SNX8: variants seen among roughly 807,000 people sequenced by gnomAD.
SNX8 encodes the protein sorting nexin-8.
A neutral mutation model predicts 51.6 loss-of-function variants in SNX8; 25 were observed. The observed-to-expected ratio is 0.48, with a 90% CI of 0.35 to 0.68. The LOEUF (loss-of-function observed/expected upper bound fraction) is 0.68. Among genes scored for constraint, SNX8 ranks in the 30% least tolerant of loss-of-function variants. The pLI is 0.00. For synonymous variants in SNX8, 324 were observed against 277.0 expected (o/e 1.17, Z -1.68); for missense variants, 695 against 624.0 (o/e 1.11, Z -1.21).
At chr7:2,257,647 C>A in intron 8 of SNX8, 88 bp downstream of exon 8, 2 of 1,566,758 alleles carry the variant, frequency 1.3e-6, no homozygotes, top group East Asian at 4.5e-5. Flanking sequence ...CTCAGCTCCT[C>A]TTCCGTCCCC....
chr7:2,290,139 G>C (rs527947619), intron 1 of SNX8, among the ~76,000 whole-genome samples: 1 of 152,112 alleles, frequency 6.6e-6, no homozygotes, highest in South Asian at 2.1e-4. Flanking sequence ...GTTGCAGTGC[G>C]CGGAGATTAC....
Position 2,263,258 on chromosome 7 carries a change from G to T in SNX8, c.887C>A (p.Ala296Glu), listed in dbSNP as rs138849540. 6.2e-7 allele frequency: 1 copy of T among 1,613,926 alleles called. No homozygotes were observed. Among genetic ancestry groups the T allele is most frequent in the East Asian group, 2.2e-5 (1 of 44,886 alleles). ...QALKGLSVEF[A>E]LLADKAAQQG... is the part of the protein sequence containing the mutation. ...TTGTGCAGCCTTGTCGGCGAGCAGC[G>T]CGAATTCCACAGACAGGCCTTTCAG... The change falls in exon 7 of 11, where the codon GCG becomes GAG. Residue 296 changes from alanine (A) to glutamate (E), a missense_variant. Transcript: ENST00000222990.
chr7:2,347,524 A>C (rs1430956184), intron 1 of SNX8, among the ~76,000 whole-genome samples: 1 of 150,000 alleles, frequency 6.7e-6, no homozygotes, highest in Non-Finnish European at 1.5e-5. Flanking sequence ...CCTTTGGCTG[A>C]AGGCAGTAGG....
upstream of SNX8, chr7:2,314,450 CCCGCGCCACCCGGCCGCGCAGCCCTG>C (rs906880813): frequency 2.5e-6 from 3 of 1,202,842 alleles, no homozygotes; most frequent in Non-Finnish European, 3.1e-6. Context: ...GTGACTTCCT[CCCGCGCCACCCGGCCGCGCAGCCCTG>C]CCGCGCCGCG....
intron 1 of SNX8, among the ~76,000 whole-genome samples, chr7:2,302,009 G>A (rs958427061): frequency 3.3e-5 from 5 of 152,210 alleles, no homozygotes; most frequent in Non-Finnish European, 4.4e-5. Flanking sequence ...TTGGGAGGCC[G>A]AGGCAGGCAG....
At position 2,257,081 on chromosome 7, in the gene SNX8, G is replaced by A. The variant is rs901377705; in HGVS notation, c.1135-58C>T. On this transcript the variant is annotated intron_variant, in intron 9 of 10. Transcript: ENST00000222990. ...CCCAGCCGGCGACGGGAGCACCAAGGCCCGAACACCAGCGTGCTCCCTGAG... is the reference window on the plus strand; with the variant it reads ...CCCAGCCGGCGACGGGAGCACCAAGACCCGAACACCAGCGTGCTCCCTGAG... 5.5e-5 allele frequency: 84 copies of A among 1,526,952 alleles called. 1 individual carries two copies. In the Admixed American group the frequency reaches 1.6e-3, roughly 28 times the overall value. The allele number at this position is 1,526,952 out of a possible 1,614,324, so 94.6% of individuals were successfully genotyped here.
At chr7:2,255,484 C>T (rs1483197826) in intron 10 of SNX8, among the ~76,000 whole-genome samples, 1 of 152,254 alleles carries the variant, frequency 6.6e-6, no homozygotes. Flanking sequence ...AGTACATGCT[C>T]TAGCTGCCGT....
At chr7:2,340,191 T>C (rs1157570392) in intron 1 of SNX8, among the ~76,000 whole-genome samples, 1 of 151,944 alleles carries the variant, frequency 6.6e-6, no homozygotes, top group Non-Finnish European at 1.5e-5. Context: ...GCTTCCCAAG[T>C]AGCTGGGATT....
At chr7:2,269,486 C>G (rs1399857800) in intron 5 of SNX8, 73 bp downstream of exon 5, 3 of 843,368 alleles carry the variant, frequency 3.6e-6, no homozygotes, top group South Asian at 2.0e-5. Flanking sequence ...TCCCCCTCTG[C>G]GAGAAACACC....
At chr7:2,306,869 C>T (rs539908032) in intron 1 of SNX8, among the ~76,000 whole-genome samples, 1 of 152,254 alleles carries the variant, frequency 6.6e-6, no homozygotes, top group Admixed American at 6.5e-5. Context: ...CTGGTGGACA[C>T]CCGCACAAAT....
At chr7:2,260,104 C>A (rs1348577250) in intron 7 of SNX8, among the ~76,000 whole-genome samples, 1 of 150,990 alleles carries the variant, frequency 6.6e-6, no homozygotes, top group Admixed American at 6.6e-5. Context: ...ACAGATTTGG[C>A]TTTTTTTTTG....
At chr7:2,345,162 CTATTTA>C (rs1476985432) in intron 1 of SNX8, among the ~76,000 whole-genome samples, 1 of 152,034 alleles carries the variant, frequency 6.6e-6, no homozygotes, top group African/African-American at 2.4e-5. Context: ...CACTGTAATA[CTATTTA>C]TAACACTGAA....
chr7:2,339,039 G>A (rs1291073731), intron 1 of SNX8, among the ~76,000 whole-genome samples: 1 of 151,964 alleles, frequency 6.6e-6, no homozygotes, highest in Non-Finnish European at 1.5e-5. Context: ...AGCCTCCCCA[G>A]TAGCTAGAAC....
chr7:2,338,085 G>C (rs1189609371), intron 1 of SNX8, among the ~76,000 whole-genome samples: 1 of 152,154 alleles, frequency 6.6e-6, no homozygotes, highest in Non-Finnish European at 1.5e-5. Flanking sequence ...TAACACTTTG[G>C]GAAGCCAAGG....
At chr7:2,336,916 T>G (rs955528492) in intron 1 of SNX8, among the ~76,000 whole-genome samples, 6 of 134,436 alleles carry the variant, frequency 4.5e-5, no homozygotes, top group East Asian at 2.2e-4. Context: ...GCCTGAGGCA[T>G]GAGAATCGCT....
chr7:2,272,178 C>CCA (rs1308754702), intron 3 of SNX8, among the ~76,000 whole-genome samples: 1 of 152,184 alleles, frequency 6.6e-6, no homozygotes, highest in Non-Finnish European at 1.5e-5. Flanking sequence ...CCCCCTCCAG[C>CCA]CACACACACT....
chr7:2,319,156 C>T (rs905494916), upstream of SNX8, among the ~76,000 whole-genome samples: 2 of 148,232 alleles, frequency 1.3e-5, no homozygotes, highest in Non-Finnish European at 3.0e-5. Flanking sequence ...CTGGTCAACA[C>T]AGGGAAACTC....
rs193127022 is a variant in SNX8, at chr7:2,255,920, C to T, written c.1285-751G>A. ...CTCAGGTGGCCAGAGAAGGGCAGGG[C>T]GCACCCTGGGGGCCTGCAGGGGAGG... On this transcript the variant is annotated intron_variant, in intron 10 of 10. Transcript: ENST00000222990. Among the ~76,000 whole-genome samples, 40 of 152,320 alleles carry T rather than the reference C, an allele frequency of 2.6e-4. No homozygotes were observed. The East Asian group carries it at 7.1e-3, about 27-fold the overall frequency.
At chr7:2,348,574 C>T (rs1455359507) in intron 1 of SNX8, among the ~76,000 whole-genome samples, 3 of 151,638 alleles carry the variant, frequency 2.0e-5, no homozygotes, top group African/African-American at 7.3e-5. Context: ...ATCTCCTGAC[C>T]TTGTGATCCA....
Sources: allele counts gnomAD v4.1 joint callset (sites outside exome capture counted in the v4.1 genomes callset), GRCh38; gene constraint gnomAD v4.1.1; transcripts MANE v1.5; gene names NCBI Gene and HGNC (gene_info 2026-07-23, HGNC 2026-07-21).